Variants in TDRD12 observed in about 807,000 individuals in gnomAD.
TDRD12 encodes tudor domain containing 12.
Under a neutral mutation model 133.5 loss-of-function variants are expected in TDRD12, and 158 were observed. That is an observed-to-expected ratio of 1.18 (90% CI 1.04 to 1.35). The LOEUF is 1.35. Among genes scored for constraint, TDRD12 ranks in the 40% most tolerant of loss-of-function variants. TDRD12 has a pLI of 0.00. For missense variants in TDRD12, 1,443 were observed against 1,321.3 expected (o/e 1.09, Z -1.43); for synonymous variants, 460 against 477.9 (o/e 0.96, Z 0.49).
chr19:32,801,679 T>C, intron 18 of TDRD12, 77 bp from the exon 19 acceptor site: 1 of 460,226 alleles, frequency 2.2e-6, no homozygotes, highest in Non-Finnish European at 3.8e-6. Flanking sequence ...TGCTTTACAT[T>C]GACAATTATT....
intron 14 of TDRD12, among the ~76,000 whole-genome samples, chr19:32,795,152 T>C (rs1971187432): frequency 6.6e-6 from 1 of 151,988 alleles, no homozygotes; most frequent in African/African-American, 2.4e-5. Flanking sequence ...CTGGCCAACA[T>C]GGTGAAACCC....
intron 16 of TDRD12, among the ~76,000 whole-genome samples, chr19:32,799,890 A>G (rs554787184): frequency 1.3e-5 from 2 of 151,952 alleles, no homozygotes; most frequent in South Asian, 2.1e-4. Context: ...GCACACCACC[A>G]CACCCAGCTA....
intron 21 of TDRD12, among the ~76,000 whole-genome samples, chr19:32,805,826 G>A (rs372941656): frequency 6.7e-6 from 1 of 150,236 alleles, no homozygotes; most frequent in Non-Finnish European, 1.5e-5. Context: ...CCTCCTTCTG[G>A]GTTCAAACAA....
intron 8 of TDRD12, among the ~76,000 whole-genome samples, chr19:32,766,697 C>T (rs964645776): frequency 3.9e-5 from 6 of 152,106 alleles, no homozygotes; most frequent in African/African-American, 1.4e-4. Context: ...TCACTACACC[C>T]TCTGCCTCCT....
chr19:32,721,135 T>C (rs1968646871), intron 1 of TDRD12, among the ~76,000 whole-genome samples: 1 of 152,074 alleles, frequency 6.6e-6, no homozygotes, highest in Non-Finnish European at 1.5e-5. Context: ...GCGTGGGCTC[T>C]GCGTGGGCGT....
At chr19:32,797,657 A>T (rs1971268755) in intron 14 of TDRD12, 78 bp from the exon 15 acceptor site, 1 of 575,036 alleles carries the variant, frequency 1.7e-6, no homozygotes, top group South Asian at 2.4e-5. Flanking sequence ...CTGTGCAAGG[A>T]GATGTTCTTG....
intron 11 of TDRD12, among the ~76,000 whole-genome samples, chr19:32,779,249 C>T (rs1277024733): frequency 1.3e-5 from 2 of 152,200 alleles, no homozygotes; most frequent in African/African-American, 4.8e-5. Context: ...GACCTTGGCT[C>T]ATTGCCAGGG....
chr19:32,804,772 A>G (rs1299002311), intron 21 of TDRD12, among the ~76,000 whole-genome samples: 1 of 151,740 alleles, frequency 6.6e-6, no homozygotes, highest in Non-Finnish European at 1.5e-5. Context: ...AGGAGAATCA[A>G]TTGAACCTGG....
chr19:32,730,899 C>T (rs936509214), intron 1 of TDRD12, among the ~76,000 whole-genome samples: 1 of 152,098 alleles, frequency 6.6e-6, no homozygotes, highest in Non-Finnish European at 1.5e-5. Flanking sequence ...CTTGTAATCC[C>T]GGCTACTCAG....
Position 32,774,984 on chromosome 19 carries a change from CA to C in TDRD12, c.1040+1465del, listed in dbSNP as rs111890629. Among the ~76,000 whole-genome samples, 121 of 139,498 alleles carry C rather than the reference CA, an allele frequency of 8.7e-4. 1 individual carries two copies. Among genetic ancestry groups the C allele is most frequent in the African/African-American group, 8.6e-4 (33 of 38,290 alleles). 91.5% of individuals were successfully genotyped at this position (139,498 alleles called of 152,430 possible). On this transcript the variant is annotated intron_variant, in intron 10 of 27. Coordinates refer to ENST00000444215, the Ensembl canonical transcript of TDRD12. Reference sequence around the variant, plus strand: ...TGGGCAACAGAACAAGACTCCGTTTCAAAAAAAAAAAAATCATAATATACCT... The same window carrying C: ...TGGGCAACAGAACAAGACTCCGTTTCAAAAAAAAAAAATCATAATATACCT...
intron 25 of TDRD12, among the ~76,000 whole-genome samples, chr19:32,814,643 A>G (rs975676566): frequency 2.0e-5 from 3 of 152,260 alleles, no homozygotes; most frequent in African/African-American, 7.2e-5. Flanking sequence ...CAGAGATTTA[A>G]AAGAGATTGA....
rs560314183 is a variant in TDRD12 at position 32,786,080 on chromosome 19, T to A, written c.1122-4451T>A. 3.9e-5 allele frequency among the ~76,000 whole-genome samples: 6 copies of A among 152,316 alleles called. No individual in the cohort carries two copies. In the East Asian group the frequency reaches 1.2e-3, roughly 29 times the overall value. On this transcript the variant is annotated intron_variant, in intron 11 of 27. Transcript: ENST00000444215. ...CAGTGGCTGGTACCGATTGTTCCTA[T>A]CCATGTTTAGTACTTCCTTCAGGAG...
chr19:32,820,000 G>A (rs1045534609), intron 27 of TDRD12, among the ~76,000 whole-genome samples: 5 of 152,142 alleles, frequency 3.3e-5, no homozygotes, highest in Non-Finnish European at 7.4e-5. Context: ...AAGGCTCTTG[G>A]TTTGCTGCTG....
At chr19:32,807,029 G>A (rs1018392149) in intron 21 of TDRD12, among the ~76,000 whole-genome samples, 1 of 152,130 alleles carries the variant, frequency 6.6e-6, no homozygotes, top group Non-Finnish European at 1.5e-5. Context: ...TGTAGTTAAG[G>A]AACGGCTTCT....
chr19:32,778,294 G>C (rs1281368623), intron 11 of TDRD12, among the ~76,000 whole-genome samples: 2 of 151,782 alleles, frequency 1.3e-5, no homozygotes, highest in Non-Finnish European at 2.9e-5. Context: ...AAGCTTCCAC[G>C]AGCCCACAGA....
At chr19:32,806,606 T>C (rs1362405181) in intron 21 of TDRD12, among the ~76,000 whole-genome samples, 1 of 152,156 alleles carries the variant, frequency 6.6e-6, no homozygotes, top group Non-Finnish European at 1.5e-5. Context: ...CCTCCCACAG[T>C]GCTGGGATTA....
chr19:32,784,384 C>T (rs549314025), intron 11 of TDRD12, among the ~76,000 whole-genome samples: 163 of 152,190 alleles, frequency 1.1e-3, no homozygotes, highest in Non-Finnish European at 1.9e-3. Flanking sequence ...CTGCTGGATT[C>T]GGTTTGCCAG....
intron 24 of TDRD12, among the ~76,000 whole-genome samples, chr19:32,811,776 T>A (rs1967014988): frequency 6.6e-6 from 1 of 152,134 alleles, no homozygotes; most frequent in Non-Finnish European, 1.5e-5. Flanking sequence ...AGCCGAGGGA[T>A]GAGGATCCCT....
intron 1 of TDRD12, among the ~76,000 whole-genome samples, chr19:32,730,173 G>C (rs1217208406): frequency 6.6e-6 from 1 of 152,124 alleles, no homozygotes; most frequent in African/African-American, 2.4e-5. Flanking sequence ...AATGTGACAG[G>C]TGTTCTTATG....
Sources: allele counts gnomAD v4.1 joint callset (sites outside exome capture counted in the v4.1 genomes callset), GRCh38; gene constraint gnomAD v4.1.1; transcripts MANE v1.5; gene names NCBI Gene and HGNC (gene_info 2026-07-23, HGNC 2026-07-21).